DGKB: variants seen among roughly 807,000 people sequenced by gnomAD.
DGKB encodes the protein diacylglycerol kinase beta, also known as 90 kDa diacylglycerol kinase.
In DGKB, 67 loss-of-function variants were observed where a neutral mutation model predicts 114.3. The ratio of observed to expected loss-of-function variants is 0.59; its 90% CI spans 0.48 to 0.72. The LOEUF (loss-of-function observed/expected upper bound fraction) is 0.72, where lower values mean the gene tolerates loss of function less well. Ranked by LOEUF, DGKB falls within the 30% of genes least tolerant of loss-of-function variation. The probability of loss-of-function intolerance (pLI) is 0.00; values close to 1 mark genes in which losing one functional copy is unlikely to be tolerated. For missense variants in DGKB, 907 were observed against 975.2 expected (o/e 0.93, Z 0.93); for synonymous variants, 398 against 323.1 (o/e 1.23, Z -2.49).
intron 12 of DGKB, among the ~76,000 whole-genome samples, chr7:14,681,222 G>C (rs1820769488): frequency 6.6e-6 from 1 of 151,840 alleles, no homozygotes; most frequent in Non-Finnish European, 1.5e-5. Flanking sequence ...TGTAAAATTT[G>C]AATCATCGTT....
intron 23 of DGKB, among the ~76,000 whole-genome samples, chr7:14,320,047 C>T (rs927931466): frequency 1.3e-5 from 2 of 152,154 alleles, no homozygotes; most frequent in African/African-American, 4.8e-5. Context: ...GGAATAGCAG[C>T]CCTTTTTTAG....
chr7:14,309,220 G>GA (rs1349703199), intron 23 of DGKB, among the ~76,000 whole-genome samples: 2 of 150,534 alleles, frequency 1.3e-5, no homozygotes, highest in African/African-American at 4.9e-5. Flanking sequence ...TGTCTCAAAA[G>GA]AAAAAAAAAG....
intron 21 of DGKB, among the ~76,000 whole-genome samples, chr7:14,396,584 T>A (rs199675621): frequency 1.5e-4 from 23 of 152,180 alleles, no homozygotes; most frequent in Non-Finnish European, 4.4e-5. Flanking sequence ...CTTGGATTTG[T>A]TGATGGGCTT....
chr7:14,366,163 C>T (rs1025309824), intron 21 of DGKB, among the ~76,000 whole-genome samples: 15 of 152,072 alleles, frequency 9.9e-5, no homozygotes, highest in African/African-American at 2.2e-4. Flanking sequence ...TATTTCTTAT[C>T]CAAAAAGTTA....
At chr7:14,911,131 T>C (rs1012493385) in intron 1 of DGKB, among the ~76,000 whole-genome samples, 8 of 152,128 alleles carry the variant, frequency 5.3e-5, no homozygotes, top group South Asian at 2.1e-4. Context: ...CATGTTATTA[T>C]AGTTATCAAT....
intron 1 of DGKB, among the ~76,000 whole-genome samples, chr7:14,928,711 A>G (rs1194728166): frequency 6.6e-6 from 1 of 151,782 alleles, no homozygotes; most frequent in Non-Finnish European, 1.5e-5. Flanking sequence ...GACAAGTGCA[A>G]TACTTTTTTA....
At chr7:14,368,826 A>G (rs984942155) in intron 21 of DGKB, among the ~76,000 whole-genome samples, 4 of 152,172 alleles carry the variant, frequency 2.6e-5, no homozygotes, top group Non-Finnish European at 5.9e-5. Context: ...AAAAGTAGGT[A>G]GGCACAGGAA....
Position 14,656,689 on chromosome 7 carries a change from T to C in DGKB, c.1134+16240A>G, listed in dbSNP as rs1330404218. 2.6e-5 allele frequency among the ~76,000 whole-genome samples: 4 copies of C among 151,224 alleles called. 1 individual carries two copies. In the South Asian group the frequency reaches 8.3e-4, roughly 31 times the overall value. The stretch of plus-strand genomic sequence containing the variant: ...CAAGTTTGATTTTTGAAAAAAATTA[T>C]TATTGCTTACCCTGGGTACAGTTAT... On this transcript the variant is annotated intron_variant, in intron 13 of 25. Transcript: ENST00000402815.
intron 2 of DGKB, among the ~76,000 whole-genome samples, chr7:14,812,295 C>G (rs1438904898): frequency 6.6e-6 from 1 of 151,640 alleles, no homozygotes; most frequent in Admixed American, 6.6e-5. Flanking sequence ...CTTTTATTAC[C>G]TGTCTTTAGT....
At position 14,702,298 on chromosome 7, in the gene DGKB, T is replaced by A. The variant is rs151106714; in HGVS notation, c.467-568A>T. On this transcript the variant is annotated intron_variant, in intron 6 of 25. Transcript: ENST00000402815. ...ATACAAATAGATGCCATTGTTAGGA[T>A]TGATCCCCAAGCAGTATGGGCGAGG... Among the ~76,000 whole-genome samples, 7 of 152,200 alleles carry A rather than the reference T, an allele frequency of 4.6e-5. No individual in the cohort carries two copies. In the East Asian group the frequency reaches 1.4e-3, roughly 29 times the overall value.
intron 23 of DGKB, among the ~76,000 whole-genome samples, chr7:14,187,199 T>C (rs577904191): frequency 1.3e-5 from 2 of 152,160 alleles, no homozygotes; most frequent in African/African-American, 2.4e-5. Flanking sequence ...TGTGGGGTAA[T>C]GTATGAAGAA....
chr7:14,248,388 A>C (rs1173168213), intron 23 of DGKB, among the ~76,000 whole-genome samples: 1 of 152,074 alleles, frequency 6.6e-6, no homozygotes, highest in South Asian at 2.1e-4. Context: ...TCTGTGAAAA[A>C]TGCCATTGGA....
chr7:14,705,219 C>T (rs1290043122), intron 6 of DGKB, among the ~76,000 whole-genome samples: 1 of 151,820 alleles, frequency 6.6e-6, no homozygotes, highest in Non-Finnish European at 1.5e-5. Context: ...AGGGTGTCAG[C>T]AATGGAAGAT....
chr7:14,558,856 C>A (rs1796244719), intron 20 of DGKB, among the ~76,000 whole-genome samples: 2 of 152,144 alleles, frequency 1.3e-5, no homozygotes, highest in Non-Finnish European at 2.9e-5. Context: ...CTTACTCAAC[C>A]CACTTGGGGA....
At chr7:14,852,244 G>T (rs1361015773) in intron 1 of DGKB, among the ~76,000 whole-genome samples, 1 of 151,456 alleles carries the variant, frequency 6.6e-6, no homozygotes, top group Non-Finnish European at 1.5e-5. Context: ...AGTTATTATT[G>T]TTACCATTTT....
chr7:14,152,399 A>G (rs1782350923), intron 25 of DGKB, among the ~76,000 whole-genome samples: 1 of 152,098 alleles, frequency 6.6e-6, no homozygotes, highest in Non-Finnish European at 1.5e-5. Context: ...CTGGGCACTC[A>G]TAAACAGTGG....
At chr7:14,865,243 T>C (rs995045449) in intron 1 of DGKB, among the ~76,000 whole-genome samples, 6 of 152,204 alleles carry the variant, frequency 3.9e-5, no homozygotes, top group Non-Finnish European at 1.5e-5. Context: ...AGTTCTTGCT[T>C]ATTTATCCTC....
intron 23 of DGKB, among the ~76,000 whole-genome samples, chr7:14,203,222 T>TC (rs1212263655): frequency 6.6e-6 from 1 of 151,188 alleles, no homozygotes; most frequent in Admixed American, 6.6e-5. Flanking sequence ...TCTAAGGTTT[T>TC]CTATACCTAA....
chr7:14,716,447 T>C (rs555905925), intron 6 of DGKB, among the ~76,000 whole-genome samples: 1 of 152,338 alleles, frequency 6.6e-6, no homozygotes, highest in Non-Finnish European at 1.5e-5. Flanking sequence ...TTTTAGGTAC[T>C]TGTTCACATC....
Sources: allele counts gnomAD v4.1 joint callset (sites outside exome capture counted in the v4.1 genomes callset), GRCh38; gene constraint gnomAD v4.1.1; transcripts MANE v1.5; gene names NCBI Gene and HGNC (gene_info 2026-07-23, HGNC 2026-07-21).